Variants in DISC1 observed in about 807,000 individuals in gnomAD.
The protein encoded by DISC1 is disrupted in schizophrenia 1 protein.
DISC1 carries 57 observed loss-of-function variants against 84.5 expected under a neutral mutation model. That is an observed-to-expected ratio of 0.67 (90% CI 0.55 to 0.84). The LOEUF (loss-of-function observed/expected upper bound fraction) is 0.84, where lower values mean the gene tolerates loss of function less well. Ranked by LOEUF, DISC1 falls within the 40% of genes least tolerant of loss-of-function variation. DISC1 has a pLI of 0.00. For missense variants in DISC1, 1,000 were observed against 1,057.8 expected (o/e 0.95, Z 0.76); for synonymous variants, 411 against 415.2 (o/e 0.99, Z 0.12).
rs1408526430 is a variant in DISC1, at chr1:231,698,333, G to A, written c.1047+3528G>A. Among the ~76,000 whole-genome samples the A allele has an allele frequency of 2.0e-5, 3 of 152,148 alleles. No individual in the cohort carries two copies. The highest frequency in any genetic ancestry group is 2.9e-5 in the Non-Finnish European group (2 of 68,030). On this transcript the variant is annotated intron_variant, in intron 2 of 12. Coordinates refer to ENST00000439617, the MANE Select transcript of DISC1 (RefSeq NM_018662.3). The surrounding 1 kb of genome is among the most constrained non-coding windows in gnomAD (Gnocchi z 4.9). ...GAATATTTTATGCTGTTTAGAAATC[G>A]CTGCTTAGCGAGATTTCCAGGGGTT... is the stretch of plus-strand genomic sequence containing the variant.
intron 1 of DISC1, among the ~76,000 whole-genome samples, chr1:231,680,407 C>A (rs1398045105): frequency 6.6e-6 from 1 of 151,330 alleles, no homozygotes; most frequent in Admixed American, 6.6e-5. Context: ...ATGCTCAGCA[C>A]CTGCCCCCGT....
intron 11 of DISC1, among the ~76,000 whole-genome samples, chr1:232,022,010 G>C (rs1049540652): frequency 6.6e-6 from 1 of 152,170 alleles, no homozygotes. Context: ...CAGGGTGGGT[G>C]ATCTGAAAAG....
chr1:231,777,642 C>T (rs1179205964), intron 6 of DISC1, among the ~76,000 whole-genome samples: 3 of 152,134 alleles, frequency 2.0e-5, no homozygotes, highest in Admixed American at 6.5e-5. Context: ...GATGGGTGCC[C>T]GGAGTGAGGC....
intron 11 of DISC1, among the ~76,000 whole-genome samples, chr1:232,023,743 A>C (rs1281136723): frequency 4.6e-5 from 7 of 152,128 alleles, no homozygotes; most frequent in Admixed American, 4.6e-4. Context: ...AGGGTGTTTT[A>C]AATTCCTTGG....
chr1:231,815,627 A>G (rs2080870322), intron 8 of DISC1, among the ~76,000 whole-genome samples: 1 of 151,876 alleles, frequency 6.6e-6, no homozygotes, highest in Non-Finnish European at 1.5e-5. Flanking sequence ...AATCCTAGCT[A>G]CTTGGGAGGC....
intron 4 of DISC1, among the ~76,000 whole-genome samples, chr1:231,756,001 G>A (rs981517096): frequency 3.3e-5 from 5 of 152,168 alleles, no homozygotes; most frequent in Non-Finnish European, 7.3e-5. Flanking sequence ...TTGCTTGCAG[G>A]ATAAAATTCA....
At chr1:231,828,143 T>C (rs2081989945) in intron 9 of DISC1, among the ~76,000 whole-genome samples, 1 of 152,198 alleles carries the variant, frequency 6.6e-6, no homozygotes, top group South Asian at 2.1e-4. Flanking sequence ...CTATGACTGC[T>C]TTACATTTCC....
chr1:231,701,416 A>G lies in DISC1; in HGVS notation c.1048-539A>G, dbSNP rs545482363. Among the ~76,000 whole-genome samples, 9 of 152,324 alleles carry G rather than the reference A, an allele frequency of 5.9e-5. No homozygotes were observed. The South Asian group carries it at 1.0e-3, about 18-fold the overall frequency. On this transcript the variant is annotated intron_variant, in intron 2 of 12. Coordinates refer to ENST00000439617, the MANE Select transcript of DISC1 (RefSeq NM_018662.3). ...GAAGTAACTGGATCACTGAGTCTCCATGTGGGTTAAATAAGACTGCCCTTT... is the reference window on the plus strand; with the variant it reads ...GAAGTAACTGGATCACTGAGTCTCCGTGTGGGTTAAATAAGACTGCCCTTT...
At chr1:232,022,311 CTTT>C (rs764839678) in intron 11 of DISC1, among the ~76,000 whole-genome samples, 6 of 135,908 alleles carry the variant, frequency 4.4e-5, no homozygotes, top group Non-Finnish European at 4.8e-5. Flanking sequence ...ACCCATGGTT[CTTT>C]TTTTTTTTTT....
intron 9 of DISC1, among the ~76,000 whole-genome samples, chr1:231,904,427 C>T (rs1025748492): frequency 6.6e-6 from 1 of 152,120 alleles, no homozygotes; most frequent in Non-Finnish European, 1.5e-5. Flanking sequence ...AATGTCACTT[C>T]TGTGGGGTCC....
intron 9 of DISC1, among the ~76,000 whole-genome samples, chr1:231,874,423 T>C (rs1172801096): frequency 1.3e-5 from 2 of 150,832 alleles, no homozygotes; most frequent in Non-Finnish European, 2.9e-5. Flanking sequence ...CCTCTCAAAA[T>C]GCTGAGATTA....
chr1:231,637,246 A>C (rs1013383767), intron 1 of DISC1, among the ~76,000 whole-genome samples: 1 of 152,332 alleles, frequency 6.6e-6, no homozygotes, highest in Non-Finnish European at 1.5e-5. Context: ...GCTATTGTAC[A>C]TAGTGCTGCA....
chr1:231,642,255 G>T (rs930682420), intron 1 of DISC1, among the ~76,000 whole-genome samples: 133 of 152,314 alleles, frequency 8.7e-4, no homozygotes, highest in African/African-American at 3.1e-3. Flanking sequence ...CGCAAGCACC[G>T]CGCGCAGCCC....
rs908073127 is a variant in DISC1 at position 232,038,373 on chromosome 1, G to T, written c.*1542G>T. The T allele has an allele frequency of 1.3e-5, 2 of 152,136 alleles. No homozygotes were observed. The highest frequency in any genetic ancestry group is 4.8e-5 in the African/African-American group (2 of 41,422). The allele number at this position is 152,136 out of a possible 1,614,324, so 9.4% of individuals were successfully genotyped here. A position where few individuals can be genotyped will look rare whatever the true frequency, so the allele number is the denominator to read the frequency against. On this transcript the variant is annotated 3_prime_UTR_variant, in exon 13 of 13. Coordinates refer to ENST00000439617, the MANE Select transcript of DISC1 (RefSeq NM_018662.3). Reference sequence around the variant, plus strand: ...TCAATTAGGCAGCACTTCCCAAAGTGCACTGAGGAAGGTGGCCCCAAGAGA... The same window carrying T: ...TCAATTAGGCAGCACTTCCCAAAGTTCACTGAGGAAGGTGGCCCCAAGAGA...
At chr1:231,828,148 A>G (rs959534339) in intron 9 of DISC1, among the ~76,000 whole-genome samples, 3 of 152,162 alleles carry the variant, frequency 2.0e-5, no homozygotes, top group African/African-American at 7.2e-5. Flanking sequence ...ACTGCTTTAC[A>G]TTTCCAGTCT....
At chr1:231,863,342 C>A (rs1558664056) in intron 9 of DISC1, among the ~76,000 whole-genome samples, 1 of 147,786 alleles carries the variant, frequency 6.8e-6, no homozygotes, top group Admixed American at 6.9e-5. Flanking sequence ...GCAATTTTCC[C>A]ACCTCAGCCT....
chr1:231,749,888 G>C, intron 3 of DISC1, 38 bp from the exon 4 acceptor site: 91 of 1,614,004 alleles, frequency 5.6e-5, no homozygotes, highest in Non-Finnish European at 7.5e-5. Context: ...GCATTTCATG[G>C]TTCTTTTTTC....
chr1:231,761,582 T>C (rs1482548298), intron 4 of DISC1, among the ~76,000 whole-genome samples: 1 of 152,190 alleles, frequency 6.6e-6, no homozygotes, highest in African/African-American at 2.4e-5. Flanking sequence ...TGATTAATGA[T>C]AATATAGAGA....
In DISC1 at chr1:231,629,756, G is replaced by A. The variant is rs569321230; in HGVS notation, c.67+2822G>A. Among the ~76,000 whole-genome samples the A allele has an allele frequency of 3.9e-5, 6 of 152,282 alleles. No homozygotes were observed. The South Asian group carries it at 6.2e-4, about 16-fold the overall frequency. On this transcript the variant is annotated intron_variant, in intron 1 of 12. Coordinates refer to ENST00000439617, the MANE Select transcript of DISC1 (RefSeq NM_018662.3). ...ATTGCTCAAACATTATGACATTAAT[G>A]TAGAACAAAGCCAATTTATTATGCT...
Sources: gnomAD v4.1 joint callset for allele counts (sites outside exome capture counted in the v4.1 genomes callset) on GRCh38, gnomAD v4.1.1 for gene constraint, Gnocchi (gnomAD v3.1) non-coding constraint, MANE v1.5 for transcripts, NCBI Gene and HGNC (gene_info 2026-07-23, HGNC 2026-07-21) for gene names.